Variants in ST3GAL5 observed in about 807,000 individuals in gnomAD.
ST3GAL5 encodes the protein lactosylceramide alpha-2,3-sialyltransferase.
A neutral mutation model predicts 46.1 loss-of-function variants in ST3GAL5; 25 were observed. That is an observed-to-expected ratio of 0.54 (90% CI 0.40 to 0.76). The LOEUF (loss-of-function observed/expected upper bound fraction) is 0.76. ST3GAL5 is among the 30% of genes least tolerant of loss of function. The pLI, the probability that ST3GAL5 is intolerant of heterozygous loss-of-function variation, is 0.00. For missense variants in ST3GAL5, 431 were observed against 521.2 expected (o/e 0.83, Z 1.69); for synonymous variants, 182 against 192.7 (o/e 0.94, Z 0.46).
chr2:85,856,327 C>T (rs1450249835), intron 3 of ST3GAL5: 1 of 152,084 alleles, frequency 6.6e-6, no homozygotes, highest in African/African-American at 2.4e-5. Flanking sequence ...TGAAAGAATC[C>T]AGTCACAGGA....
chr2:85,888,286 G>A (rs997023638), intron 1 of ST3GAL5: 1 of 152,320 alleles, frequency 6.6e-6, no homozygotes, highest in Non-Finnish European at 1.5e-5. Context: ...CAATTCAGAA[G>A]AAATCAAAAG....
intron 3 of ST3GAL5, among the ~76,000 whole-genome samples, chr2:85,858,617 G>A (rs1261213625): frequency 2.0e-5 from 3 of 152,112 alleles, no homozygotes; most frequent in African/African-American, 7.2e-5. Context: ...TCAGACCCCT[G>A]ACTTTCTTAA....
intron 1 of ST3GAL5, chr2:85,887,426 G>A (rs1456300127): frequency 6.6e-6 from 1 of 152,090 alleles, no homozygotes. Flanking sequence ...TTCTCGCCTA[G>A]ACGAAGAAAT....
chr2:85,860,947 A>G, intron 3 of ST3GAL5: 1 of 524,208 alleles, frequency 1.9e-6, no homozygotes. Context: ...GGTTGAGCCC[A>G]CCTCATCCCA....
intron 3 of ST3GAL5, chr2:85,851,471 C>A: frequency 1.6e-6 from 2 of 1,260,822 alleles, no homozygotes; most frequent in South Asian, 2.6e-5. Flanking sequence ...CATAGCCACT[C>A]AGAACAGGAG....
Position 85,840,094 on chromosome 2 carries a change from A to G in ST3GAL5, c.*50T>C, listed in dbSNP as rs1681827479. The G allele has an allele frequency of 6.2e-7, 1 of 1,613,950 alleles. No homozygotes were observed. The highest frequency in any genetic ancestry group is 8.5e-7 in the Non-Finnish European group (1 of 1,179,932). On this transcript the variant is annotated 3_prime_UTR_variant, in exon 7 of 7. Transcript: ENST00000638572. ...GAGAAATACATCAAGAAGGCTGTCA[A>G]AAACAGCTCTCAGAGTTAGAGTTGC...
intron 1 of ST3GAL5, among the ~76,000 whole-genome samples, chr2:85,873,180 G>GA (rs1686143500): frequency 6.6e-6 from 1 of 152,124 alleles, no homozygotes; most frequent in African/African-American, 2.4e-5. Context: ...CCCAGACACT[G>GA]AATGACTGAC....
chr2:85,844,351 C>T (rs1373988185), intron 6 of ST3GAL5, 45 bp downstream of exon 6: 10 of 1,613,370 alleles, frequency 6.2e-6, no homozygotes, highest in Non-Finnish European at 8.5e-6. Context: ...GTACACATCG[C>T]CCCTCAAACA....
intron 3 of ST3GAL5, chr2:85,854,792 T>G (rs1558666419): frequency 6.6e-6 from 1 of 151,794 alleles, no homozygotes; most frequent in Non-Finnish European, 1.5e-5. Context: ...GGAAAACAAG[T>G]GGGGAAGATG....
At chr2:85,874,517 G>A (rs1028416200) in intron 1 of ST3GAL5, among the ~76,000 whole-genome samples, 1 of 151,908 alleles carries the variant, frequency 6.6e-6, no homozygotes, top group Non-Finnish European at 1.5e-5. Flanking sequence ...CACCATCTCC[G>A]TTCTGGTTTT....
chr2:85,855,604 A>T (rs1014545155), intron 3 of ST3GAL5: 2 of 152,254 alleles, frequency 1.3e-5, no homozygotes, highest in African/African-American at 4.8e-5. Context: ...ATTGGGTTTC[A>T]TCAGAATTAA....
intron 1 of ST3GAL5, among the ~76,000 whole-genome samples, chr2:85,875,868 T>G (rs1449603224): frequency 6.6e-6 from 1 of 152,130 alleles, no homozygotes; most frequent in East Asian, 1.9e-4. Flanking sequence ...TAAGCAGACC[T>G]ACCCACAAAG....
chr2:85,852,593 G>A (rs1683641259), intron 3 of ST3GAL5, among the ~76,000 whole-genome samples: 1 of 152,166 alleles, frequency 6.6e-6, no homozygotes, highest in African/African-American at 2.4e-5. Context: ...GGGACTGACT[G>A]CAGAGGGGCT....
At chr2:85,884,587 G>C (rs1402473803) in intron 1 of ST3GAL5, among the ~76,000 whole-genome samples, 2 of 152,136 alleles carry the variant, frequency 1.3e-5, no homozygotes, top group African/African-American at 4.8e-5. Flanking sequence ...GACAACAACT[G>C]GACTGCAGAA....
intron 1 of ST3GAL5, among the ~76,000 whole-genome samples, chr2:85,864,659 A>G (rs919297219): frequency 6.6e-6 from 1 of 152,060 alleles, no homozygotes; most frequent in African/African-American, 2.4e-5. Context: ...GTGCCTGCCT[A>G]TTTATTCTTT....
rs1332848540 is a variant in ST3GAL5 at position 85,888,941 on chromosome 2, T to C, written c.-36A>G. The C allele has an allele frequency of 7.7e-7, 1 of 1,298,480 alleles. No homozygotes were observed. The highest frequency in any genetic ancestry group is 9.8e-7 in the Non-Finnish European group (1 of 1,021,202). 80.4% of individuals were successfully genotyped at this position (1,298,480 alleles called of 1,614,324 possible). ...GGGCGCCGGCCGGCCGCCAGCCCGG[T>C]ACCCCGCGCCCCCACCCGCCCCCAG... On this transcript the variant is annotated 5_prime_UTR_variant, in exon 1 of 7. Coordinates refer to ENST00000638572, the MANE Select transcript of ST3GAL5 (RefSeq NM_003896.4).
At chr2:85,873,064 G>C (rs1055891163) in intron 1 of ST3GAL5, among the ~76,000 whole-genome samples, 2 of 152,188 alleles carry the variant, frequency 1.3e-5, no homozygotes, top group East Asian at 3.9e-4. Flanking sequence ...GTGGGGCTGG[G>C]GGGTGCAGGC....
At chr2:85,883,112 A>C (rs1687359840) in intron 1 of ST3GAL5, among the ~76,000 whole-genome samples, 1 of 152,150 alleles carries the variant, frequency 6.6e-6, no homozygotes, top group African/African-American at 2.4e-5. Context: ...ATGAGAGGAC[A>C]TGAGATTTGG....
In ST3GAL5 at chr2:85,837,640, GCTC is replaced by G. The variant is rs760955063; in HGVS notation, c.*2501_*2503del. 3.9e-5 allele frequency: 6 copies of G among 152,098 alleles called. No individual in the cohort carries two copies. The highest frequency in any genetic ancestry group is 8.8e-5 in the Non-Finnish European group (6 of 68,032). The allele number at this position is 152,098 out of a possible 1,614,324, so 9.4% of individuals were successfully genotyped here. On this transcript the variant is annotated 3_prime_UTR_variant, in exon 7 of 7. Transcript: ENST00000638572. Reference sequence around the variant, plus strand: ...ACAGATATCCCAGTTACACAGATTTGCTCCTTATAATTACACAAATGTATTACA... The same window carrying G: ...ACAGATATCCCAGTTACACAGATTTGCTTATAATTACACAAATGTATTACA...
Sources: gnomAD v4.1 joint callset for allele counts (sites outside exome capture counted in the v4.1 genomes callset) on GRCh38, gnomAD v4.1.1 for gene constraint, MANE v1.5 for transcripts, NCBI Gene and HGNC (gene_info 2026-07-23, HGNC 2026-07-21) for gene names.